Variants in ZCCHC10 observed in about 807,000 individuals in gnomAD.
The protein encoded by ZCCHC10 is zinc finger CCHC domain-containing protein 10.
In ZCCHC10, 16 loss-of-function variants were observed where a neutral mutation model predicts 19.5. The ratio of observed to expected loss-of-function variants is 0.82; its 90% CI spans 0.56 to 1.25. ZCCHC10 has a LOEUF of 1.25. ZCCHC10 is among the 50% of genes most tolerant of loss of function. The probability of loss-of-function intolerance (pLI) is 0.00; values close to 1 mark genes in which losing one functional copy is unlikely to be tolerated. For missense variants in ZCCHC10, 197 were observed against 201.0 expected (o/e 0.98, Z 0.12); for synonymous variants, 67 against 72.5 (o/e 0.92, Z 0.38).
intron 3 of ZCCHC10, among the ~76,000 whole-genome samples, chr5:133,005,874 T>C (rs919907636): frequency 3.9e-5 from 6 of 151,978 alleles, no homozygotes; most frequent in Non-Finnish European, 8.8e-5. Context: ...TATTCCTGCA[T>C]AACGCTTGAA....
chr5:133,018,940 G>C (rs1346318819), intron 2 of ZCCHC10: 1 of 344,894 alleles, frequency 2.9e-6, no homozygotes, highest in East Asian at 9.5e-5. Flanking sequence ...GGCGGTGGGG[G>C]TCCATAGTCT....
chr5:133,012,052 G>GAA (rs1763576090), intron 2 of ZCCHC10, among the ~76,000 whole-genome samples: 2 of 138,594 alleles, frequency 1.4e-5, no homozygotes, highest in South Asian at 2.4e-4. Flanking sequence ...CAGGAGAATT[G>GAA]CTCAAACCTG....
Position 132,997,581 on chromosome 5 carries a change from T to TA in ZCCHC10, c.*1001_*1002insT, listed in dbSNP as rs1463549575. The TA allele has an allele frequency of 2.0e-5, 3 of 152,176 alleles. No homozygotes were observed. Among genetic ancestry groups the TA allele is most frequent in the Non-Finnish European group, 2.9e-5 (2 of 68,008 alleles). The allele number at this position is 152,176 out of a possible 1,614,324, so 9.4% of individuals were successfully genotyped here. ...AAACACACCAGATTAATCCTAGTCA[T>TA]TCATATATATGCAGTAGACTGTCAT... On this transcript the variant is annotated 3_prime_UTR_variant, in exon 5 of 5. Coordinates refer to ENST00000509437, the MANE Select transcript of ZCCHC10 (RefSeq NM_001300816.3).
In ZCCHC10 at chr5:133,009,477, G is replaced by T. The variant is rs568858938; in HGVS notation, c.108-2557C>A. On this transcript the variant is annotated intron_variant, in intron 2 of 4. Coordinates refer to ENST00000509437, the MANE Select transcript of ZCCHC10 (RefSeq NM_001300816.3). The stretch of plus-strand genomic sequence containing the variant: ...ACTAAAACAAAAATTGCCAGGCTTG[G>T]TGGCACACACCTGTAATCTCAGCTA... Among the ~76,000 whole-genome samples the T allele has an allele frequency of 5.3e-5, 8 of 152,028 alleles. No homozygotes were observed. The South Asian group carries it at 1.7e-3, about 32-fold the overall frequency.
At chr5:133,004,837 T>C (rs756926947) in intron 3 of ZCCHC10, among the ~76,000 whole-genome samples, 2 of 152,148 alleles carry the variant, frequency 1.3e-5, no homozygotes, top group African/African-American at 2.4e-5. Flanking sequence ...CTAACCTAAA[T>C]AGATTGATTG....
intron 2 of ZCCHC10, among the ~76,000 whole-genome samples, chr5:133,020,294 C>G (rs1490137455): frequency 1.3e-5 from 2 of 151,852 alleles, no homozygotes; most frequent in East Asian, 1.9e-4. Flanking sequence ...AAAACCCCAA[C>G]TCCACTGAAA....
At chr5:133,015,772 C>T (rs1265212711) in intron 2 of ZCCHC10, among the ~76,000 whole-genome samples, 1 of 152,072 alleles carries the variant, frequency 6.6e-6, no homozygotes, top group Non-Finnish European at 1.5e-5. Context: ...CAATTCCTGA[C>T]CCAGGGAAAC....
At chr5:133,003,325 T>C (rs1355197612) in intron 3 of ZCCHC10, 3 of 428,012 alleles carry the variant, frequency 7.0e-6, no homozygotes, top group Non-Finnish European at 9.3e-6. Context: ...TCAGTGAATG[T>C]GGATTACAGC....
Position 132,998,844 on chromosome 5 carries a change from C to T in ZCCHC10, c.318G>A (p.Lys106=), listed in dbSNP as rs577448337. Residue 106 remains lysine (K), a synonymous_variant, in exon 5 of 5, where the codon AAG becomes AAA. Coordinates refer to ENST00000509437, the MANE Select transcript of ZCCHC10 (RefSeq NM_001300816.3). The part of the protein sequence containing the change: ...VERKAKKKRS[K]SVTSSSSSSS... Reference sequence around the variant, plus strand: ...TACTGCTACTGGAACTGGTTACACTCTTAGACCTATTAGACAATACAGAGT... The same window carrying T: ...TACTGCTACTGGAACTGGTTACACTTTTAGACCTATTAGACAATACAGAGT... 1.2e-6 allele frequency: 2 copies of T among 1,614,020 alleles called. No homozygotes were observed. Among genetic ancestry groups the T allele is most frequent in the East Asian group, 2.2e-5 (1 of 44,884 alleles).
rs544821524 is a variant in ZCCHC10 at position 132,997,206 on chromosome 5, C to A, written c.*1377G>T. 2.0e-5 allele frequency: 3 copies of A among 152,296 alleles called. No homozygotes were observed. Among genetic ancestry groups the A allele is most frequent in the Admixed American group, 6.5e-5 (1 of 15,284 alleles). 9.4% of individuals were successfully genotyped at this position (152,296 alleles called of 1,614,324 possible). A position where few individuals can be genotyped will look rare whatever the true frequency, so the allele number is the denominator to read the frequency against. ...GATGTTTTGAGAATTTATTTACAAC[C>A]ATTGAACACAGATGGTTTTGTAAAA... On this transcript the variant is annotated 3_prime_UTR_variant, in exon 5 of 5. Transcript: ENST00000509437.
intron 2 of ZCCHC10, chr5:133,019,081 T>C (rs1423853573): frequency 2.2e-6 from 1 of 452,262 alleles, no homozygotes; most frequent in East Asian, 7.0e-5. Context: ...TTCACAAATA[T>C]CATCTAAAGC....
chr5:133,010,237 C>T (rs993869112), intron 2 of ZCCHC10, among the ~76,000 whole-genome samples: 3 of 151,794 alleles, frequency 2.0e-5, no homozygotes, highest in Admixed American at 6.6e-5. Flanking sequence ...TTAGTAGAGA[C>T]GGGGTTTCAC....
rs192115667 is a variant in ZCCHC10 at position 132,997,889 on chromosome 5, G to C, written c.*694C>G. ...CTTTTAACAGAAGGCACCAAGATTA[G>C]ACTCCTAAGAAGTTTCAATTTTTTT... On this transcript the variant is annotated 3_prime_UTR_variant, in exon 5 of 5. Coordinates refer to ENST00000509437, the MANE Select transcript of ZCCHC10 (RefSeq NM_001300816.3). 1 of 152,052 alleles carries C rather than the reference G, an allele frequency of 6.6e-6. No homozygotes were observed. The highest frequency in any genetic ancestry group is 1.5e-5 in the Non-Finnish European group (1 of 68,018). 9.4% of individuals were successfully genotyped at this position (152,052 alleles called of 1,614,324 possible). A position where few individuals can be genotyped will look rare whatever the true frequency, so the allele number is the denominator to read the frequency against.
At chr5:133,025,524 A>AG (rs1484905419) in intron 1 of ZCCHC10, among the ~76,000 whole-genome samples, 4 of 148,608 alleles carry the variant, frequency 2.7e-5, no homozygotes, top group African/African-American at 1.0e-4. Context: ...AAAAAAAAAA[A>AG]AAAAAAAAAG....
chr5:133,025,380 TG>T (rs939863056), intron 1 of ZCCHC10, among the ~76,000 whole-genome samples: 1 of 151,278 alleles, frequency 6.6e-6, no homozygotes, highest in African/African-American at 2.4e-5. Flanking sequence ...GGCGGGCGCC[TG>T]TAGTCCCAGC....
At chr5:133,016,353 T>C (rs1326926250) in intron 2 of ZCCHC10, among the ~76,000 whole-genome samples, 2 of 152,238 alleles carry the variant, frequency 1.3e-5, no homozygotes, top group African/African-American at 4.8e-5. Flanking sequence ...ACACTGATAA[T>C]TTTAATTCTA....
chr5:133,017,578 T>C (rs1213345876), intron 2 of ZCCHC10, among the ~76,000 whole-genome samples: 3 of 152,046 alleles, frequency 2.0e-5, no homozygotes, highest in Admixed American at 1.3e-4. Context: ...CTATGTTTCC[T>C]AGGCTGGTTT....
At chr5:132,998,956 C>G in intron 4 of ZCCHC10, 106 bp from the exon 5 acceptor site, 1 of 1,463,006 alleles carries the variant, frequency 6.8e-7, no homozygotes, top group Non-Finnish European at 9.2e-7. Context: ...TGCTCTGTTG[C>G]CCAGTGTGGA....
rs1274253053 is a variant in ZCCHC10 at position 132,998,549 on chromosome 5, TTCAGTCCA to T, written c.*26_*33del. The T allele has an allele frequency of 6.3e-7, 1 of 1,579,626 alleles. No homozygotes were observed. Among genetic ancestry groups the T allele is most frequent in the Non-Finnish European group, 8.6e-7 (1 of 1,158,200 alleles). Reference sequence around the variant, plus strand: ...CCCTTTCAAGAATCACATCAATGTTTTCAGTCCATCAGTCCAATATGAATGGAGCAACT... The same window carrying T: ...CCCTTTCAAGAATCACATCAATGTTTTCAGTCCAATATGAATGGAGCAACT... On this transcript the variant is annotated 3_prime_UTR_variant, in exon 5 of 5. Coordinates refer to ENST00000509437, the MANE Select transcript of ZCCHC10 (RefSeq NM_001300816.3).
Sources: gnomAD v4.1 joint callset for allele counts (sites outside exome capture counted in the v4.1 genomes callset) on GRCh38, gnomAD v4.1.1 for gene constraint, MANE v1.5 for transcripts, NCBI Gene and HGNC (gene_info 2026-07-23, HGNC 2026-07-21) for gene names.